F13A1: variants seen among roughly 807,000 people sequenced by gnomAD.
F13A1 encodes coagulation factor XIII A chain.
Under a neutral mutation model 80.1 loss-of-function variants are expected in F13A1, and 47 were observed. The ratio of observed to expected loss-of-function variants is 0.59; its 90% CI spans 0.46 to 0.75. The LOEUF is 0.75. Among genes scored for constraint, F13A1 ranks in the 30% least tolerant of loss-of-function variants. The pLI is 0.00. For missense variants in F13A1, 817 were observed against 930.4 expected, an observed-to-expected ratio of 0.88 and a Z score of 1.59; for synonymous variants, 349 against 344.9, an observed-to-expected ratio of 1.01 and a Z score of -0.13.
At chr6:6,289,580 T>C (rs1437889259) in intron 3 of F13A1, among the ~76,000 whole-genome samples, 1 of 152,140 alleles carries the variant, frequency 6.6e-6, no homozygotes, top group Non-Finnish European at 1.5e-5. Context: ...AGTGAGATTT[T>C]TTTCCCCCTT....
chr6:6,170,376 C>A (rs552155759), intron 12 of F13A1, among the ~76,000 whole-genome samples: 54 of 151,540 alleles, frequency 3.6e-4, no homozygotes, highest in Non-Finnish European at 6.5e-4. Context: ...CTAAAGAAAC[C>A]AGGCTGTGCT....
intron 3 of F13A1, among the ~76,000 whole-genome samples, chr6:6,269,393 C>G (rs867433926): frequency 5.9e-5 from 9 of 152,016 alleles, no homozygotes; most frequent in Middle Eastern, 6.9e-3. Context: ...CAATTGCCAA[C>G]AAACCTATCA....
chr6:6,210,595 T>C (rs991353515), intron 8 of F13A1, among the ~76,000 whole-genome samples: 1 of 151,704 alleles, frequency 6.6e-6, no homozygotes, highest in African/African-American at 2.4e-5. Context: ...GGATTTTTAC[T>C]GTGTTAGCCA....
At chr6:6,212,813 C>A in intron 8 of F13A1, among the ~76,000 whole-genome samples, 1 of 151,936 alleles carries the variant, frequency 6.6e-6, no homozygotes, top group Non-Finnish European at 1.5e-5. Flanking sequence ...ACTAGAATAA[C>A]CAATACAGAG....
chr6:6,195,927 C>CAATTCTGTCCAGATACTGCAA (rs1561650949), intron 9 of F13A1, 42 bp from the exon 10 acceptor site: 1 of 1,558,232 alleles, frequency 6.4e-7, no homozygotes, highest in Admixed American at 1.7e-5. Flanking sequence ...TTGTCATCTC[C>CAATTCTGTCCAGATACTGCAA]AATTCTGTCC....
At chr6:6,185,204 T>C (rs1199771135) in intron 10 of F13A1, among the ~76,000 whole-genome samples, 1 of 151,546 alleles carries the variant, frequency 6.6e-6, no homozygotes, top group African/African-American at 2.4e-5. Context: ...TATGTATACA[T>C]GTGCCATGCT....
chr6:6,301,965 C>T (rs1236558942), intron 3 of F13A1, among the ~76,000 whole-genome samples: 1 of 152,206 alleles, frequency 6.6e-6, no homozygotes, highest in African/African-American at 2.4e-5. Flanking sequence ...ACAGTGATTC[C>T]TCCACTCCCT....
At chr6:6,249,533 AATC>A (rs1168293972) in intron 5 of F13A1, among the ~76,000 whole-genome samples, 1 of 152,202 alleles carries the variant, frequency 6.6e-6, no homozygotes, top group Non-Finnish European at 1.5e-5. Flanking sequence ...CAGAAGATAC[AATC>A]AAGTGACTGT....
chr6:6,237,082 C>A (rs1313941475), intron 6 of F13A1, among the ~76,000 whole-genome samples: 1 of 152,074 alleles, frequency 6.6e-6, no homozygotes, highest in East Asian at 1.9e-4. Context: ...CTGCAGTCAC[C>A]ACCTTTCTTT....
intron 13 of F13A1, among the ~76,000 whole-genome samples, chr6:6,161,889 C>T (rs1020914575): frequency 7.2e-5 from 11 of 152,252 alleles, no homozygotes; most frequent in African/African-American, 1.9e-4. Flanking sequence ...CTTTGGTTGA[C>T]GGTGACTTGG....
chr6:6,181,770 C>G lies in F13A1; in HGVS notation c.1459+218G>C, dbSNP rs3024440. ...TTAAACCAAATCATTTTACAAGCCA[C>G]GTGAATGAGAATTCTGCCCAAAGCA... is the stretch of plus-strand genomic sequence containing the variant. On this transcript the variant is annotated intron_variant, in intron 11 of 14. Transcript: ENST00000264870. 9.2e-4 allele frequency among the ~76,000 whole-genome samples: 140 copies of G among 152,276 alleles called. 1 individual carries two copies. The highest frequency in any genetic ancestry group is 3.3e-3 in the African/African-American group (136 of 41,560).
intron 4 of F13A1, among the ~76,000 whole-genome samples, chr6:6,253,518 G>A (rs780556988): frequency 6.6e-6 from 1 of 152,186 alleles, no homozygotes; most frequent in South Asian, 2.1e-4. Context: ...CCAGAGCAGA[G>A]GGTCTCCGGA....
chr6:6,248,967 A>G (rs549080165), intron 5 of F13A1, among the ~76,000 whole-genome samples: 2 of 152,352 alleles, frequency 1.3e-5, no homozygotes, highest in East Asian at 3.9e-4. Context: ...GGTGGACCCC[A>G]GGATCAAGGA....
intron 8 of F13A1, among the ~76,000 whole-genome samples, chr6:6,202,732 G>C (rs555729799): frequency 6.6e-6 from 1 of 152,198 alleles, no homozygotes; most frequent in Non-Finnish European, 1.5e-5. Context: ...GGAGGATAAC[G>C]ATGGAGATGA....
At chr6:6,190,240 C>T (rs993470156) in intron 10 of F13A1, among the ~76,000 whole-genome samples, 8 of 152,208 alleles carry the variant, frequency 5.3e-5, no homozygotes, top group Admixed American at 3.3e-4. Flanking sequence ...AGTCGTTCTC[C>T]GTCCAGCTTT....
At chr6:6,226,942 AT>A (rs1445281303) in intron 6 of F13A1, among the ~76,000 whole-genome samples, 1 of 151,908 alleles carries the variant, frequency 6.6e-6, no homozygotes, top group East Asian at 1.9e-4. Context: ...GGGGGGCCTA[AT>A]AGAGGGAGAT....
intron 3 of F13A1, among the ~76,000 whole-genome samples, chr6:6,291,296 C>T (rs981650817): frequency 2.6e-5 from 4 of 152,044 alleles, no homozygotes; most frequent in Non-Finnish European, 5.9e-5. Flanking sequence ...CCTGAATCTT[C>T]AGAATTCTTC....
Position 6,186,920 on chromosome 6 carries a change from T to A in F13A1, c.1306-4779A>T, listed in dbSNP as rs528815982. Among the ~76,000 whole-genome samples, 820 of 141,294 alleles carry A rather than the reference T, an allele frequency of 5.8e-3. 8 individuals carry two copies. Among genetic ancestry groups the A allele is most frequent in the African/African-American group, 0.021 (784 of 36,762 alleles). The allele number at this position is 141,294 out of a possible 152,430, so 92.7% of individuals were successfully genotyped here. On this transcript the variant is annotated intron_variant, in intron 10 of 14. Coordinates refer to ENST00000264870, the MANE Select transcript of F13A1 (RefSeq NM_000129.4). ...TTCCTTGAGCAGTGGTTTGTAGTTC[T>A]CCTTGAAGAGGTCCTTCACATCCCT...
Position 6,152,771 on chromosome 6 carries a change from G to A in F13A1, c.1909-822C>T, listed in dbSNP as rs183349744. ...TGTTTACTGTATGCCACACACTTTA[G>A]AACCATATGCTTTTCCAACATAAAC... On this transcript the variant is annotated intron_variant, in intron 13 of 14. Transcript: ENST00000264870. Among the ~76,000 whole-genome samples the A allele has an allele frequency of 3.8e-3, 586 of 152,272 alleles. 4 individuals carry two copies. In the Middle Eastern group the frequency reaches 0.044, roughly 11 times the overall value.
Sources: gnomAD v4.1 joint callset for allele counts (sites outside exome capture counted in the v4.1 genomes callset) on GRCh38, gnomAD v4.1.1 for gene constraint, MANE v1.5 for transcripts, NCBI Gene and HGNC (gene_info 2026-07-23, HGNC 2026-07-21) for gene names.